The following GARIN2 variants were observed in gnomAD, a reference collection of about 807,000 sequenced individuals.
The protein encoded by GARIN2 is golgi associated RAB2 interactor family member 2.
At chr14:67,207,635 C>T in the GARIN2 span, among the ~76,000 whole-genome samples, 1 of 152,148 alleles carries the variant, frequency 6.6e-6, no homozygotes, top group African/African-American at 2.4e-5. Flanking sequence ...TTAGGGCCTG[C>T]TGACCAACTG....
chr14:67,227,578 A>G, the GARIN2 span: 1 of 152,124 alleles, frequency 6.6e-6, no homozygotes, highest in Non-Finnish European at 1.5e-5. Context: ...ATTATTACAA[A>G]TAATGTGAAA....
At chr14:67,202,529 A>G in the GARIN2 span, among the ~76,000 whole-genome samples, 2 of 152,230 alleles carry the variant, frequency 1.3e-5, no homozygotes, top group Admixed American at 6.5e-5. Context: ...CATCATTCCT[A>G]TTCTTTTACT....
At chr14:67,226,020 G>A in the GARIN2 span, among the ~76,000 whole-genome samples, 6 of 151,624 alleles carry the variant, frequency 4.0e-5, no homozygotes, top group African/African-American at 1.5e-4. Flanking sequence ...TCACAGTATT[G>A]AAGGGGGGAG....
chr14:67,193,522 G>T, the GARIN2 span, among the ~76,000 whole-genome samples: 8 of 137,628 alleles, frequency 5.8e-5, no homozygotes, highest in African/African-American at 1.1e-4. Context: ...TATATATCTA[G>T]ATATAGATCT....
chr14:67,205,112 A>G, the GARIN2 span: 2 of 1,534,726 alleles, frequency 1.3e-6, no homozygotes, highest in African/African-American at 1.4e-5. Flanking sequence ...GAAGACTTTC[A>G]TGCTTTAATA....
chr14:67,199,683 A>G, the GARIN2 span: 1 of 1,584,500 alleles, frequency 6.3e-7, no homozygotes, highest in African/African-American at 1.3e-5. Context: ...GACCGCCCTC[A>G]TCAGCTGTTT....
At chr14:67,190,918 ACAGGTAAATGCTGT>A in the GARIN2 span, among the ~76,000 whole-genome samples, 1 of 152,230 alleles carries the variant, frequency 6.6e-6, no homozygotes, top group Non-Finnish European at 1.5e-5. Flanking sequence ...TTAATGAGTG[ACAGGTAAATGCTGT>A]CATTTAAGAG....
chr14:67,214,841 T>G, the GARIN2 span, among the ~76,000 whole-genome samples: 3 of 152,146 alleles, frequency 2.0e-5, no homozygotes, highest in African/African-American at 7.2e-5. Flanking sequence ...TTTGATTTCA[T>G]TGAGCAGTGG....
the GARIN2 span, chr14:67,198,418 C>A: frequency 1.7e-6 from 2 of 1,166,744 alleles, no homozygotes; most frequent in Middle Eastern, 2.7e-4. Context: ...TTAAATGTGC[C>A]GAGGGAATGT....
chr14:67,225,412 G>C, the GARIN2 span: 1 of 518,688 alleles, frequency 1.9e-6, no homozygotes. Context: ...TTAGGGGTTT[G>C]TTGTGGTTTC....
the GARIN2 span, among the ~76,000 whole-genome samples, chr14:67,203,966 C>G: frequency 6.6e-6 from 1 of 152,318 alleles, no homozygotes; most frequent in African/African-American, 2.4e-5. Flanking sequence ...CCCGCCTTGG[C>G]CTCCCAAAGT....
the GARIN2 span, chr14:67,208,340 T>C: frequency 2.5e-6 from 4 of 1,613,856 alleles, no homozygotes; most frequent in Non-Finnish European, 1.7e-6. Flanking sequence ...TCAAACTACC[T>C]TGACCCCAGT....
the GARIN2 span, chr14:67,204,684 C>G: frequency 6.2e-7 from 1 of 1,613,808 alleles, no homozygotes; most frequent in Non-Finnish European, 8.5e-7. Context: ...AATGGGTGGC[C>G]CTCATCTCCC....
At chr14:67,218,864 TG>T in the GARIN2 span, among the ~76,000 whole-genome samples, 1 of 152,018 alleles carries the variant, frequency 6.6e-6, no homozygotes, top group South Asian at 2.1e-4. Context: ...ACTCTCCCTC[TG>T]GCTAGAAGTG....
the GARIN2 span, among the ~76,000 whole-genome samples, chr14:67,191,815 T>C: frequency 1.5e-4 from 23 of 152,344 alleles, no homozygotes; most frequent in Non-Finnish European, 2.8e-4. Flanking sequence ...TGGTTTCCGA[T>C]CTGTAATCAG....
the GARIN2 span, chr14:67,199,794 C>A: frequency 1.3e-6 from 2 of 1,521,762 alleles, no homozygotes; most frequent in Non-Finnish European, 8.9e-7. Flanking sequence ...TCCTTCCCAC[C>A]CCCAGTGCTG....
At chr14:67,199,948 C>T in the GARIN2 span, 1 of 1,361,750 alleles carries the variant, frequency 7.3e-7, no homozygotes, top group Non-Finnish European at 9.9e-7. Flanking sequence ...TCACCCATTC[C>T]CACCAGGAGG....
the GARIN2 span, chr14:67,198,998 G>A: frequency 1.4e-6 from 1 of 705,512 alleles, no homozygotes; most frequent in Non-Finnish European, 2.6e-6. Context: ...TTCACAGAGG[G>A]GTGACAAGGG....
chr14:67,216,378 G>T, the GARIN2 span, among the ~76,000 whole-genome samples: 6 of 150,848 alleles, frequency 4.0e-5, no homozygotes, highest in Non-Finnish European at 7.4e-5. Context: ...AATATTTTGG[G>T]GTTTTTTTTC....
Sources: gnomAD v4.1 joint callset for allele counts (sites outside exome capture counted in the v4.1 genomes callset) on GRCh38, gnomAD v4.1.1 for gene constraint, MANE v1.5 for transcripts, NCBI Gene and HGNC (gene_info 2026-07-23, HGNC 2026-07-21) for gene names.